The following KIAA1217 variants were observed in gnomAD, a reference collection of about 807,000 sequenced individuals.
KIAA1217 encodes the protein KIAA1217.
Under a neutral mutation model 163.9 loss-of-function variants are expected in KIAA1217, and 88 were observed. That is an observed-to-expected ratio of 0.54 (90% CI 0.45 to 0.64). The LOEUF (loss-of-function observed/expected upper bound fraction) is 0.64. Among genes scored for constraint, KIAA1217 ranks in the 30% least tolerant of loss-of-function variants. KIAA1217 has a pLI of 0.00. For missense variants in KIAA1217, 2,372 were observed against 2,475.0 expected (o/e 0.96, Z 0.88); for synonymous variants, 903 against 923.1 (o/e 0.98, Z 0.39).
At chr10:23,883,690 G>A (rs1237458301) in intron 1 of KIAA1217, among the ~76,000 whole-genome samples, 2 of 151,840 alleles carry the variant, frequency 1.3e-5, no homozygotes, top group Non-Finnish European at 2.9e-5. Flanking sequence ...CTCTGGATTG[G>A]AATAAATGTA....
intron 4 of KIAA1217, among the ~76,000 whole-genome samples, chr10:24,435,577 T>C (rs1167203992): frequency 6.6e-6 from 1 of 152,216 alleles, no homozygotes; most frequent in African/African-American, 2.4e-5. Context: ...TGGGCCTCAC[T>C]GTCTTGCAGC....
intron 1 of KIAA1217, among the ~76,000 whole-genome samples, chr10:23,975,321 A>G (rs1428245652): frequency 6.6e-6 from 1 of 152,062 alleles, no homozygotes. Flanking sequence ...TTTCAGGGAA[A>G]TGCTTGGCTG....
At chr10:24,338,285 T>A (rs1591096748) in intron 2 of KIAA1217, among the ~76,000 whole-genome samples, 1 of 152,206 alleles carries the variant, frequency 6.6e-6, no homozygotes, top group East Asian at 1.9e-4. Flanking sequence ...CCCATACATA[T>A]ATCTATGCAG....
chr10:24,177,456 G>A (rs1050296193), intron 2 of KIAA1217, among the ~76,000 whole-genome samples: 1 of 150,220 alleles, frequency 6.7e-6, no homozygotes, highest in African/African-American at 2.5e-5. Flanking sequence ...TTGCAATTGT[G>A]AATTGTGTTG....
intron 1 of KIAA1217, among the ~76,000 whole-genome samples, chr10:23,940,198 G>T (rs1233277167): frequency 6.6e-6 from 1 of 151,640 alleles, no homozygotes; most frequent in Non-Finnish European, 1.5e-5. Context: ...AGTGGCTCAC[G>T]CCTGTAATCC....
intron 1 of KIAA1217, among the ~76,000 whole-genome samples, chr10:24,210,327 T>C (rs981146288): frequency 6.6e-6 from 1 of 152,182 alleles, no homozygotes; most frequent in Non-Finnish European, 1.5e-5. Flanking sequence ...AGTTTTGTAA[T>C]GGCTGGAGAA....
In KIAA1217 at chr10:24,089,134, A is replaced by G; in HGVS notation, c.-171+81760A>G. Among the ~76,000 whole-genome samples the G allele has an allele frequency of 1.6e-5, 2 of 124,222 alleles. 1 individual carries two copies. The highest frequency in any genetic ancestry group is 4.0e-5 in the Non-Finnish European group (2 of 50,344). The allele number at this position is 124,222 out of a possible 152,430, so 81.5% of individuals were successfully genotyped here. A position where few individuals can be genotyped will look rare whatever the true frequency, so the allele number is the denominator to read the frequency against. ...GTTCATATCCTTCGCCCAGTTGCTG[A>G]TGGGGTTGTTTGTTTTTTTCTTGTA... is the stretch of plus-strand genomic sequence containing the variant. On this transcript the variant is annotated intron_variant, in intron 2 of 18. Transcript: ENST00000376462.
At chr10:23,706,715 T>A (rs1225033561) in intron 1 of KIAA1217, among the ~76,000 whole-genome samples, 1 of 152,200 alleles carries the variant, frequency 6.6e-6, no homozygotes, top group East Asian at 1.9e-4. Context: ...TGTAATTTTC[T>A]TGTGATATTT....
chr10:24,374,845 G>C (rs1202296236), intron 2 of KIAA1217, among the ~76,000 whole-genome samples: 1 of 152,066 alleles, frequency 6.6e-6, no homozygotes, highest in Admixed American at 6.6e-5. Flanking sequence ...GATGTGCAGT[G>C]GTGTCACCCT....
chr10:24,423,238 T>C (rs1314059104), intron 3 of KIAA1217, among the ~76,000 whole-genome samples: 2 of 151,762 alleles, frequency 1.3e-5, no homozygotes, highest in East Asian at 3.9e-4. Flanking sequence ...TTTAACATGT[T>C]CTTTCAGGGT....
At position 24,130,078 on chromosome 10, in the gene KIAA1217, C is replaced by T. The variant is rs16924318; in HGVS notation, c.-170-89548C>T. ...GCTTCTGCCATCTCTCACAGAAAAA[C>T]CTTTTTACTCACATCCTTTCCTCCT... On this transcript the variant is annotated intron_variant, in intron 2 of 18. Coordinates refer to the KIAA1217 transcript ENST00000376462. Among the ~76,000 whole-genome samples the T allele has an allele frequency of 7.0e-3, 1,061 of 152,276 alleles. 11 individuals carry two copies. The highest frequency in any genetic ancestry group is 0.024 in the African/African-American group (983 of 41,558).
At chr10:23,860,092 C>T (rs1199499568) in intron 1 of KIAA1217, among the ~76,000 whole-genome samples, 7 of 152,114 alleles carry the variant, frequency 4.6e-5, no homozygotes, top group Non-Finnish European at 7.3e-5. Context: ...GCCCCTCGTA[C>T]GTTCTGATTT....
intron 1 of KIAA1217, among the ~76,000 whole-genome samples, chr10:23,798,665 G>A (rs1836324753): frequency 6.6e-6 from 1 of 152,094 alleles, no homozygotes. Flanking sequence ...AGAAAAGAAA[G>A]GAAAGATTTT....
At chr10:23,932,607 A>G (rs1468860596) in intron 1 of KIAA1217, among the ~76,000 whole-genome samples, 3 of 152,146 alleles carry the variant, frequency 2.0e-5, no homozygotes, top group East Asian at 3.8e-4. Flanking sequence ...ATTCTCATGG[A>G]GCATTTTCTT....
chr10:24,537,795 T>C (rs1045895690), intron 17 of KIAA1217, among the ~76,000 whole-genome samples: 1 of 152,188 alleles, frequency 6.6e-6, no homozygotes, highest in Admixed American at 6.5e-5. Flanking sequence ...TTAACATACA[T>C]GTGTGATGTC....
intron 5 of KIAA1217, among the ~76,000 whole-genome samples, chr10:24,471,272 C>T (rs1348903611): frequency 6.6e-6 from 1 of 152,056 alleles, no homozygotes; most frequent in Non-Finnish European, 1.5e-5. Flanking sequence ...CACCCTCCAA[C>T]CATTTATACC....
At chr10:24,121,975 T>C (rs1211093742) in intron 2 of KIAA1217, among the ~76,000 whole-genome samples, 1 of 152,198 alleles carries the variant, frequency 6.6e-6, no homozygotes, top group Non-Finnish European at 1.5e-5. Flanking sequence ...GTTATCTTGA[T>C]GCTTTGTGTT....
intron 1 of KIAA1217, among the ~76,000 whole-genome samples, chr10:23,813,444 CTG>C (rs1005646383): frequency 2.0e-5 from 3 of 151,764 alleles, no homozygotes; most frequent in African/African-American, 7.3e-5. Flanking sequence ...TTCTTTCTCT[CTG>C]TAATTATCTA....
chr10:23,997,731 T>C (rs1049854549), intron 1 of KIAA1217, among the ~76,000 whole-genome samples: 4 of 152,204 alleles, frequency 2.6e-5, no homozygotes, highest in African/African-American at 7.2e-5. Flanking sequence ...CTTCTATCCA[T>C]GGAGGGAATT....
Sources: gnomAD v4.1 joint callset for allele counts (sites outside exome capture counted in the v4.1 genomes callset) on GRCh38, gnomAD v4.1.1 for gene constraint, MANE v1.5 for transcripts, NCBI Gene and HGNC (gene_info 2026-07-23, HGNC 2026-07-21) for gene names.